DNM3: variants seen among roughly 807,000 people sequenced by gnomAD.
The protein encoded by DNM3 is dynamin-3.
DNM3 carries 47 observed loss-of-function variants against 101.6 expected under a neutral mutation model. The observed-to-expected ratio is 0.46, with a 90% confidence interval of 0.37 to 0.59. The LOEUF is 0.59. Among genes scored for constraint, DNM3 ranks in the 20% least tolerant of loss-of-function variants. The probability of loss-of-function intolerance (pLI) is 0.00; values close to 1 mark genes in which losing one functional copy is unlikely to be tolerated. For missense variants in DNM3, 849 were observed against 1,085.7 expected (o/e 0.78, Z 3.06); for synonymous variants, 385 against 387.9 (o/e 0.99, Z 0.09).
At position 172,185,064 on chromosome 1, in the gene DNM3, T is replaced by G. The variant is rs530732010; in HGVS notation, c.1659+53776T>G. ...AACTTAGTCAACACATAGGGGCAGC[T>G]CCTCTCACTCAGTGTTCATGCTGGG... is the stretch of plus-strand genomic sequence containing the variant. On this transcript the variant is annotated intron_variant, in intron 14 of 20. Transcript: ENST00000627582. Among the ~76,000 whole-genome samples, 177 of 152,184 alleles carry G rather than the reference T, an allele frequency of 1.2e-3. 1 individual carries two copies. The highest frequency in any genetic ancestry group is 2.2e-3 in the Admixed American group (34 of 15,274).
intron 2 of DNM3, among the ~76,000 whole-genome samples, chr1:171,956,093 T>C (rs923741415): frequency 1.3e-5 from 2 of 152,040 alleles, no homozygotes; most frequent in Non-Finnish European, 2.9e-5. Context: ...GCCAAACATA[T>C]CATTCTGCTC....
At chr1:172,253,509 C>G in intron 14 of DNM3, 64 bp from the exon 15 acceptor site, 1 of 672,928 alleles carries the variant, frequency 1.5e-6, no homozygotes, top group Non-Finnish European at 2.3e-6. Context: ...CCTCTCCTCT[C>G]CTCTCCTCTC....
At position 172,411,691 on chromosome 1, in the gene DNM3, T is replaced by C; in HGVS notation, c.*3850T>C. On this transcript the variant is annotated 3_prime_UTR_variant, in exon 21 of 21. Transcript: ENST00000627582. Reference sequence around the variant, plus strand: ...TTTCATTTGGCAAATGGCATAATTATTTGAAAGTGACAGGAATCTCCTCAG... The same window carrying C: ...TTTCATTTGGCAAATGGCATAATTACTTGAAAGTGACAGGAATCTCCTCAG... 1.0e-6 allele frequency: 1 copy of C among 985,326 alleles called. No homozygotes were observed. The highest frequency in any genetic ancestry group is 1.2e-6 in the Non-Finnish European group (1 of 829,840). 61.0% of individuals were successfully genotyped at this position (985,326 alleles called of 1,614,324 possible). A position where few individuals can be genotyped will look rare whatever the true frequency, so the allele number is the denominator to read the frequency against.
intron 10 of DNM3, among the ~76,000 whole-genome samples, chr1:172,059,120 A>G (rs1277872058): frequency 6.6e-6 from 1 of 151,532 alleles, no homozygotes; most frequent in Admixed American, 6.6e-5. Flanking sequence ...TCCTTGACAC[A>G]TACACTCTCC....
At chr1:171,966,111 G>A (rs949155483) in intron 2 of DNM3, among the ~76,000 whole-genome samples, 5 of 152,170 alleles carry the variant, frequency 3.3e-5, no homozygotes, top group African/African-American at 1.2e-4. Flanking sequence ...CCCTGTTGAA[G>A]TCCCCTTGCC....
intron 14 of DNM3, among the ~76,000 whole-genome samples, chr1:172,232,285 C>A (rs1325198261): frequency 1.3e-5 from 2 of 152,046 alleles, no homozygotes; most frequent in African/African-American, 4.8e-5. Flanking sequence ...ATCAAAGAGA[C>A]AAAGAAGGCC....
At position 172,079,746 on chromosome 1, in the gene DNM3, C is replaced by T. The variant is rs548662800; in HGVS notation, c.1423-2086C>T. On this transcript the variant is annotated intron_variant, in intron 11 of 20. Coordinates refer to ENST00000627582, the MANE Select transcript of DNM3 (RefSeq NM_015569.5). The stretch of plus-strand genomic sequence containing the variant: ...AGCCTTTTTGCACTGTTTTTTTCCT[C>T]ATCTTTGTGGATTTATCTACCTTTG... Among the ~76,000 whole-genome samples the T allele has an allele frequency of 2.0e-5, 3 of 152,246 alleles. No individual in the cohort carries two copies. In the East Asian group the frequency reaches 5.8e-4, roughly 29 times the overall value.
intron 1 of DNM3, among the ~76,000 whole-genome samples, chr1:171,921,531 T>C (rs1191444229): frequency 2.0e-5 from 3 of 152,240 alleles, no homozygotes; most frequent in Admixed American, 6.5e-5. Flanking sequence ...GAAGTCATTA[T>C]GATAATGTAC....
At chr1:172,038,197 A>C (rs1165664624) in intron 6 of DNM3, 122 bp from the exon 7 acceptor site, 1 of 1,275,054 alleles carries the variant, frequency 7.8e-7, no homozygotes, top group Non-Finnish European at 1.1e-6. Context: ...ATGCAGACAT[A>C]ATGTTTGAAA....
chr1:172,121,238 T>C (rs1326159865), intron 13 of DNM3, among the ~76,000 whole-genome samples: 1 of 152,120 alleles, frequency 6.6e-6, no homozygotes, highest in East Asian at 1.9e-4. Flanking sequence ...GAGCCCTGAT[T>C]TTCATCATGG....
intron 7 of DNM3, among the ~76,000 whole-genome samples, chr1:172,038,951 T>C (rs1452279019): frequency 6.6e-6 from 1 of 152,048 alleles, no homozygotes; most frequent in Non-Finnish European, 1.5e-5. Context: ...TTTTTTTCCT[T>C]TTACATAATG....
chr1:172,371,878 T>A (rs2068345868), intron 17 of DNM3, among the ~76,000 whole-genome samples: 1 of 148,532 alleles, frequency 6.7e-6, no homozygotes. Context: ...TTATTTTTTA[T>A]TTTTTTTACT....
At chr1:172,181,133 A>G (rs2059328425) in intron 14 of DNM3, among the ~76,000 whole-genome samples, 1 of 152,064 alleles carries the variant, frequency 6.6e-6, no homozygotes, top group Non-Finnish European at 1.5e-5. Flanking sequence ...TTTTGAAAGC[A>G]TAAGAGGCTT....
chr1:171,902,582 G>A (rs2038453692), intron 1 of DNM3, among the ~76,000 whole-genome samples: 1 of 151,896 alleles, frequency 6.6e-6, no homozygotes, highest in Non-Finnish European at 1.5e-5. Context: ...GCCAAAAGGA[G>A]GGAGTATTTT....
At chr1:171,988,367 A>T (rs2045414466) in intron 3 of DNM3, among the ~76,000 whole-genome samples, 1 of 152,116 alleles carries the variant, frequency 6.6e-6, no homozygotes, top group Non-Finnish European at 1.5e-5. Flanking sequence ...TAAATGACAT[A>T]AGCTCAATTA....
At chr1:171,857,497 C>T (rs1490491765) in intron 1 of DNM3, among the ~76,000 whole-genome samples, 1 of 152,080 alleles carries the variant, frequency 6.6e-6, no homozygotes, top group Non-Finnish European at 1.5e-5. Context: ...TCTCTACTTG[C>T]AACTGGTCAG....
chr1:172,310,600 G>A (rs1196075358), intron 16 of DNM3: 1 of 152,202 alleles, frequency 6.6e-6, no homozygotes, highest in African/African-American at 2.4e-5. Context: ...AGAAGGGAGG[G>A]AGTAAAGGAT....
At chr1:171,869,010 T>A (rs1391080225) in intron 1 of DNM3, among the ~76,000 whole-genome samples, 2 of 152,132 alleles carry the variant, frequency 1.3e-5, no homozygotes, top group African/African-American at 4.8e-5. Context: ...CTCGACCTCC[T>A]GACCTCAGGT....
intron 2 of DNM3, among the ~76,000 whole-genome samples, chr1:171,950,090 T>TG (rs1283717824): frequency 6.6e-6 from 1 of 151,796 alleles, no homozygotes; most frequent in Non-Finnish European, 1.5e-5. Flanking sequence ...AGGAATTATG[T>TG]GCTCAATGGC....
Sources: gnomAD v4.1 joint callset for allele counts (sites outside exome capture counted in the v4.1 genomes callset) on GRCh38, gnomAD v4.1.1 for gene constraint, MANE v1.5 for transcripts, NCBI Gene and HGNC (gene_info 2026-07-23, HGNC 2026-07-21) for gene names.